Variants in NRDE2 observed in about 807,000 individuals in gnomAD.
NRDE2 encodes the protein NRDE-2, necessary for RNA interference, domain containing, also known as nuclear exosome regulator NRDE2.
Under a neutral mutation model 124.2 loss-of-function variants are expected in NRDE2, and 76 were observed. The ratio of observed to expected loss-of-function variants is 0.61; its 90% CI spans 0.51 to 0.74. The LOEUF (loss-of-function observed/expected upper bound fraction) is 0.74. Among genes scored for constraint, NRDE2 ranks in the 30% least tolerant of loss-of-function variants. The probability of loss-of-function intolerance (pLI) is 0.00; values close to 1 mark genes in which losing one functional copy is unlikely to be tolerated. For synonymous variants in NRDE2, 489 were observed against 528.1 expected (o/e 0.93, Z 1.01); for missense variants, 1,314 against 1,417.3 (o/e 0.93, Z 1.17).
intron 4 of NRDE2, among the ~76,000 whole-genome samples, chr14:90,307,689 C>T (rs747973624): frequency 1.3e-5 from 2 of 152,220 alleles, no homozygotes; most frequent in Non-Finnish European, 2.9e-5. Context: ...TACTGGCTAA[C>T]ACGGTGAAAC....
At chr14:90,279,033 C>G in intron 13 of NRDE2, 29 bp downstream of exon 13, 1 of 1,546,412 alleles carries the variant, frequency 6.5e-7, no homozygotes, top group South Asian at 1.1e-5. Context: ...TTTCGGGAAG[C>G]TGAAGACACC....
intron 12 of NRDE2, among the ~76,000 whole-genome samples, chr14:90,283,482 A>C (rs1892010791): frequency 6.6e-6 from 1 of 152,140 alleles, no homozygotes; most frequent in Non-Finnish European, 1.5e-5. Flanking sequence ...TATGCTGGGA[A>C]TATCAGGGAG....
intron 9 of NRDE2, among the ~76,000 whole-genome samples, chr14:90,292,269 C>T (rs1038296170): frequency 5.9e-5 from 9 of 152,248 alleles, no homozygotes; most frequent in African/African-American, 1.9e-4. Context: ...CTATCTGCTA[C>T]AGCTTCACGG....
At chr14:90,297,289 G>T (rs917552942) in intron 8 of NRDE2, among the ~76,000 whole-genome samples, 1 of 151,708 alleles carries the variant, frequency 6.6e-6, no homozygotes, top group East Asian at 1.9e-4. Flanking sequence ...CATGCAATTG[G>T]CATCTGAATC....
chr14:90,269,900 C>T lies in NRDE2; in HGVS notation c.*8436G>A. ...ATCAGAAGAAACAGTGATTTGTTTG[C>T]TGTCTTTTGTAATGTTTTTAACACA... On this transcript the variant is annotated 3_prime_UTR_variant, in exon 14 of 14. Transcript: ENST00000354366. 5.3e-6 allele frequency: 2 copies of T among 379,426 alleles called. No individual in the cohort carries two copies. The highest frequency in any genetic ancestry group is 4.7e-6 in the Non-Finnish European group (1 of 213,460). 23.5% of individuals were successfully genotyped at this position (379,426 alleles called of 1,614,324 possible). A position where few individuals can be genotyped will look rare whatever the true frequency, so the allele number is the denominator to read the frequency against.
intron 1 of NRDE2, among the ~76,000 whole-genome samples, chr14:90,319,903 T>C (rs1218868218): frequency 6.6e-6 from 1 of 152,234 alleles, no homozygotes; most frequent in Non-Finnish European, 1.5e-5. Context: ...AAATGCCAGA[T>C]TGTTTTCCAA....
chr14:90,296,740 T>TC (rs1192232278), intron 8 of NRDE2, among the ~76,000 whole-genome samples: 18 of 152,248 alleles, frequency 1.2e-4, no homozygotes, highest in African/African-American at 4.3e-4. Flanking sequence ...CAGATCTCTC[T>TC]CTATGCTGGA....
chr14:90,269,418 T>C lies in NRDE2; in HGVS notation c.*8918A>G, dbSNP rs778047120. On this transcript the variant is annotated 3_prime_UTR_variant, in exon 14 of 14. Coordinates refer to ENST00000354366, the MANE Select transcript of NRDE2 (RefSeq NM_017970.4). ...AAAGATATGACTCCAATTCTGGTGGTGAGAGAGAAATTCAGCGAACAATGT... is the reference window on the plus strand; with the variant it reads ...AAAGATATGACTCCAATTCTGGTGGCGAGAGAGAAATTCAGCGAACAATGT... 26 of 1,605,672 alleles carry C rather than the reference T, an allele frequency of 1.6e-5. No homozygotes were observed. The East Asian group carries it at 5.4e-4, about 33-fold the overall frequency.
In NRDE2 at chr14:90,292,747, C is replaced by G. The variant is rs1471302889; in HGVS notation, c.1792G>C (p.Asp598His). ...DQRHWRPWRP[D>H]KTKKQTEEDC... ...TCCTCGGTTTGCTTCTTGGTCTTATCAGGGCGCCAGGGCCGCCAGTGCCTC... is the reference window on the plus strand; with the variant it reads ...TCCTCGGTTTGCTTCTTGGTCTTATGAGGGCGCCAGGGCCGCCAGTGCCTC... Residue 598 changes from aspartate (D) to histidine (H), a missense_variant, in exon 9 of 14, where the codon GAT becomes CAT. Asp to His is a moderately conservative substitution (Grantham distance 81). Transcript: ENST00000354366. The G allele has an allele frequency of 6.2e-7, 1 of 1,614,212 alleles. No individual in the cohort carries two copies. The highest frequency in any genetic ancestry group is 8.5e-7 in the Non-Finnish European group (1 of 1,180,030).
rs1891563613 is a variant in NRDE2 at position 90,268,042 on chromosome 14, T to G, written c.*10294A>C. ...ATAATCCAAACATGTTAGTAGATTTTTCTAAATGTCCTCTTATCTACTTAG... is the reference window on the plus strand; with the variant it reads ...ATAATCCAAACATGTTAGTAGATTTGTCTAAATGTCCTCTTATCTACTTAG... On this transcript the variant is annotated 3_prime_UTR_variant, in exon 14 of 14. Transcript: ENST00000354366. The G allele has an allele frequency of 2.3e-5, 12 of 515,560 alleles. No homozygotes were observed. The South Asian group carries it at 3.9e-4, about 17-fold the overall frequency. The allele number at this position is 515,560 out of a possible 1,614,324, so 31.9% of individuals were successfully genotyped here.
At chr14:90,302,615 A>G in intron 6 of NRDE2, 105 bp downstream of exon 6, 1 of 1,245,222 alleles carries the variant, frequency 8.0e-7, no homozygotes, top group East Asian at 2.5e-5. Flanking sequence ...CTATCAAACA[A>G]TTTAGACTTT....
In NRDE2 at chr14:90,311,201, T is replaced by G. The variant is rs376213428; in HGVS notation, c.557+1193A>C. Among the ~76,000 whole-genome samples the G allele has an allele frequency of 7.9e-5, 12 of 152,380 alleles. No homozygotes were observed. The East Asian group carries it at 1.2e-3, about 15-fold the overall frequency. ...TCTTGGCTTTATATTCTAAGATTGATGATTCTCTATCTTCAATTCTCATTA... is the reference window on the plus strand; with the variant it reads ...TCTTGGCTTTATATTCTAAGATTGAGGATTCTCTATCTTCAATTCTCATTA... On this transcript the variant is annotated intron_variant, in intron 4 of 13. Transcript: ENST00000354366.
chr14:90,294,765 A>G (rs1892363336), intron 8 of NRDE2, among the ~76,000 whole-genome samples: 1 of 152,228 alleles, frequency 6.6e-6, no homozygotes, highest in African/African-American at 2.4e-5. Flanking sequence ...TGATGGCTGC[A>G]TGGCAGTGTG....
At chr14:90,307,320 T>C (rs1465207840) in intron 4 of NRDE2, among the ~76,000 whole-genome samples, 3 of 152,244 alleles carry the variant, frequency 2.0e-5, no homozygotes, top group Non-Finnish European at 4.4e-5. Context: ...ATTTAGGTTA[T>C]ATCCAATTTA....
At chr14:90,292,637 G>A in intron 9 of NRDE2, 60 bp downstream of exon 9, 2 of 1,560,262 alleles carry the variant, frequency 1.3e-6, no homozygotes, top group Non-Finnish European at 1.7e-6. Flanking sequence ...AAGCGCATGG[G>A]AATGGAAAGC....
rs1463991110 is a variant in NRDE2 at position 90,267,928 on chromosome 14, C to T, written c.*10408G>A. 1 of 290,936 alleles carries T rather than the reference C, an allele frequency of 3.4e-6. No homozygotes were observed. Among genetic ancestry groups the T allele is most frequent in the Non-Finnish European group, 6.4e-6 (1 of 156,942 alleles). 18.0% of individuals were successfully genotyped at this position (290,936 alleles called of 1,614,324 possible). A position where few individuals can be genotyped will look rare whatever the true frequency, so the allele number is the denominator to read the frequency against. On this transcript the variant is annotated 3_prime_UTR_variant, in exon 14 of 14. Transcript: ENST00000354366. ...TCGTACAGGTAATTATAGTTCGCAG[C>T]TTTTCAGGGGAAACTGGGTCAAGGT...
At chr14:90,327,986 A>T (rs1436590945) in intron 1 of NRDE2, among the ~76,000 whole-genome samples, 2 of 152,136 alleles carry the variant, frequency 1.3e-5, no homozygotes. Flanking sequence ...TACTAAAAAT[A>T]TAAAAAATTA....
chr14:90,316,384 G>A (rs1046991703), intron 3 of NRDE2, among the ~76,000 whole-genome samples, 194 bp downstream of exon 3: 1 of 152,152 alleles, frequency 6.6e-6, no homozygotes. Context: ...AATCATTACT[G>A]TGTCTAAATA....
At chr14:90,318,569 G>A (rs1885134482) in intron 1 of NRDE2, among the ~76,000 whole-genome samples, 1 of 152,188 alleles carries the variant, frequency 6.6e-6, no homozygotes, top group Non-Finnish European at 1.5e-5. Context: ...GGAGGCTGAG[G>A]AGGGCAGATC....
Sources: gnomAD v4.1 joint callset for allele counts (sites outside exome capture counted in the v4.1 genomes callset) on GRCh38, gnomAD v4.1.1 for gene constraint, MANE v1.5 for transcripts, NCBI Gene and HGNC (gene_info 2026-07-23, HGNC 2026-07-21) for gene names.